Variants in CDYL observed in about 807,000 individuals in gnomAD.
The protein encoded by CDYL is chromodomain Y like, also known as chromodomain Y-like protein.
Under a neutral mutation model 47.3 loss-of-function variants are expected in CDYL, and 8 were observed. That is an observed-to-expected ratio of 0.17 (90% CI 0.10 to 0.31). The LOEUF is 0.31. Ranked by LOEUF, CDYL falls within the 10% of genes least tolerant of loss-of-function variation. CDYL has a pLI of 1.00. For synonymous variants in CDYL, 266 were observed against 265.0 expected (o/e 1.00, Z -0.04); for missense variants, 471 against 701.4 (o/e 0.67, Z 3.71).
chr6:4,921,504 A>G (rs1757716343), intron 2 of CDYL, among the ~76,000 whole-genome samples: 1 of 152,190 alleles, frequency 6.6e-6, no homozygotes, highest in Non-Finnish European at 1.5e-5. Flanking sequence ...GCTGGCTCGG[A>G]ACACATTTTC....
At chr6:4,707,420 G>A (rs571871620) in intron 1 of CDYL, among the ~76,000 whole-genome samples, 4 of 152,142 alleles carry the variant, frequency 2.6e-5, no homozygotes, top group South Asian at 4.1e-4. Flanking sequence ...TGGGACTACA[G>A]GCATGTGACA....
intron 2 of CDYL, among the ~76,000 whole-genome samples, chr6:4,914,637 G>A (rs1355952310): frequency 6.6e-6 from 1 of 152,204 alleles, no homozygotes; most frequent in Non-Finnish European, 1.5e-5. Flanking sequence ...GCTGTAACCA[G>A]CGTTTTAGCT....
chr6:4,715,688 G>A, intron 1 of CDYL: 3 of 1,520,832 alleles, frequency 2.0e-6, no homozygotes, highest in Admixed American at 2.1e-5. Flanking sequence ...ATGAGCCTTG[G>A]GTTTTTTCCC....
At chr6:4,816,236 A>G (rs1313502946) in intron 1 of CDYL, among the ~76,000 whole-genome samples, 2 of 150,464 alleles carry the variant, frequency 1.3e-5, no homozygotes, top group East Asian at 3.9e-4. Flanking sequence ...CAAGCACGCA[A>G]ATCTCTCGCG....
At chr6:4,812,693 C>G (rs1581182886) in intron 1 of CDYL, among the ~76,000 whole-genome samples, 1 of 151,850 alleles carries the variant, frequency 6.6e-6, no homozygotes, top group Non-Finnish European at 1.5e-5. Flanking sequence ...ATCAGCCTGT[C>G]AAGTTCTGTG....
intron 3 of CDYL, among the ~76,000 whole-genome samples, chr6:4,747,063 C>T (rs1051073618): frequency 6.6e-6 from 1 of 152,162 alleles, no homozygotes; most frequent in African/African-American, 2.4e-5. Context: ...AATCCCAGCA[C>T]TTTGGGAGGT....
At chr6:4,877,068 T>C (rs2127475988) in intron 1 of CDYL, among the ~76,000 whole-genome samples, 1 of 152,354 alleles carries the variant, frequency 6.6e-6, no homozygotes, top group South Asian at 2.1e-4. Flanking sequence ...CTGAATCTGC[T>C]GGCATCTTGA....
At chr6:4,951,387 T>C (rs1283304217) in intron 5 of CDYL, among the ~76,000 whole-genome samples, 1 of 152,116 alleles carries the variant, frequency 6.6e-6, no homozygotes, top group Non-Finnish European at 1.5e-5. Context: ...TCTGTGAGCC[T>C]GTCATTTGAA....
At chr6:4,737,052 A>T (rs1191013131) in intron 3 of CDYL, among the ~76,000 whole-genome samples, 3 of 152,182 alleles carry the variant, frequency 2.0e-5, no homozygotes, top group African/African-American at 7.2e-5. Flanking sequence ...ACCTCTGGGG[A>T]GTAGAGATGG....
chr6:4,724,884 C>T (rs917490694), intron 2 of CDYL: 7 of 152,194 alleles, frequency 4.6e-5, no homozygotes, highest in South Asian at 2.1e-4. Flanking sequence ...CAGCAGATTA[C>T]CGCTGCTGGC....
chr6:4,864,164 G>T (rs1025030377), intron 1 of CDYL, among the ~76,000 whole-genome samples: 3 of 152,100 alleles, frequency 2.0e-5, no homozygotes, highest in East Asian at 3.8e-4. Context: ...TATGATTCAA[G>T]AAACAAAATG....
chr6:4,917,004 T>G (rs897468382), intron 2 of CDYL, among the ~76,000 whole-genome samples: 18 of 152,278 alleles, frequency 1.2e-4, no homozygotes, highest in African/African-American at 4.3e-4. Context: ...AAGTAAGATT[T>G]TTCTTTAGGA....
chr6:4,780,521 G>A (rs1466149756), intron 1 of CDYL, among the ~76,000 whole-genome samples: 1 of 150,768 alleles, frequency 6.6e-6, no homozygotes, highest in Non-Finnish European at 1.5e-5. Flanking sequence ...CGCCCACCTT[G>A]GCCTCCCAAA....
In CDYL at chr6:4,875,437, C is replaced by G. The variant is rs114265523; in HGVS notation, c.25-16276C>G. The stretch of plus-strand genomic sequence containing the variant: ...TGACAAACAATATTTTATTTGTCAA[C>G]TTATAAATATGGCATGTCGCCCAAT... On this transcript the variant is annotated intron_variant, in intron 1 of 6. Transcript: ENST00000397588. Among the ~76,000 whole-genome samples the G allele has an allele frequency of 1.7e-3, 260 of 152,276 alleles. 1 individual carries two copies. Among genetic ancestry groups the G allele is most frequent in the Non-Finnish European group, 2.9e-3 (197 of 68,020 alleles).
intron 2 of CDYL, among the ~76,000 whole-genome samples, chr6:4,902,654 T>G (rs1039822278): frequency 2.6e-5 from 4 of 152,194 alleles, no homozygotes; most frequent in African/African-American, 9.7e-5. Flanking sequence ...ATTTATCTCC[T>G]TTTTAATTTG....
At chr6:4,764,551 G>C (rs151134151) in intron 3 of CDYL, among the ~76,000 whole-genome samples, 4,827 of 152,296 alleles carry the variant, frequency 0.032, 256 homozygotes, top group African/African-American at 0.11. Context: ...GCCTCCCAAA[G>C]TGCTGGGATT....
At chr6:4,802,080 G>C (rs184113751) in intron 1 of CDYL, among the ~76,000 whole-genome samples, 5 of 152,230 alleles carry the variant, frequency 3.3e-5, no homozygotes, top group Non-Finnish European at 7.4e-5. Context: ...TGAGGAACTG[G>C]CTTTTGTTTG....
At chr6:4,939,572 G>A (rs1758302099) in intron 4 of CDYL, among the ~76,000 whole-genome samples, 1 of 151,996 alleles carries the variant, frequency 6.6e-6, no homozygotes, top group Non-Finnish European at 1.5e-5. Flanking sequence ...TTTCAGAAGT[G>A]GTTTGAAATT....
intron 1 of CDYL, among the ~76,000 whole-genome samples, chr6:4,851,618 C>T (rs1181906178): frequency 6.6e-6 from 1 of 152,108 alleles, no homozygotes; most frequent in Non-Finnish European, 1.5e-5. Flanking sequence ...GGCACGAGGA[C>T]CTGGCTGGAA....
Sources: gnomAD v4.1 joint callset for allele counts (sites outside exome capture counted in the v4.1 genomes callset) on GRCh38, gnomAD v4.1.1 for gene constraint, MANE v1.5 for transcripts, NCBI Gene and HGNC (gene_info 2026-07-23, HGNC 2026-07-21) for gene names.